ASB15: variants seen among roughly 807,000 people sequenced by gnomAD.
ASB15 encodes ankyrin repeat and SOCS box protein 15.
Under a neutral mutation model 58.0 loss-of-function variants are expected in ASB15, and 54 were observed. The ratio of observed to expected loss-of-function variants is 0.93; its 90% CI spans 0.75 to 1.17. ASB15 has a LOEUF of 1.17. Ranked by LOEUF, ASB15 falls within the 50% of genes most tolerant of loss-of-function variation. ASB15 has a pLI of 0.00. For synonymous variants in ASB15, 249 were observed against 262.4 expected, an observed-to-expected ratio of 0.95 and a Z score of 0.50; for missense variants, 680 against 707.4, an observed-to-expected ratio of 0.96 and a Z score of 0.44.
intron 1 of ASB15, among the ~76,000 whole-genome samples, chr7:123,580,007 A>G (rs1208744799): frequency 2.0e-5 from 3 of 152,084 alleles, no homozygotes; most frequent in African/African-American, 7.2e-5. Context: ...GTACATAAAT[A>G]ATTACTATGT....
chr7:123,617,169 A>G (rs1219614053), intron 6 of ASB15, among the ~76,000 whole-genome samples: 2 of 152,196 alleles, frequency 1.3e-5, no homozygotes, highest in Non-Finnish European at 2.9e-5. Flanking sequence ...ACAGATATAG[A>G]TGATGTTAAG....
intron 4 of ASB15, among the ~76,000 whole-genome samples, chr7:123,615,937 A>G (rs943911831): frequency 1.3e-5 from 2 of 152,070 alleles, no homozygotes; most frequent in Non-Finnish European, 2.9e-5. Context: ...ATCTGACTCC[A>G]ATTGTTTACT....
At chr7:123,605,703 T>C (rs1313495867) in intron 2 of ASB15, among the ~76,000 whole-genome samples, 1 of 152,142 alleles carries the variant, frequency 6.6e-6, no homozygotes, top group East Asian at 1.9e-4. Context: ...GCAACATGGA[T>C]GGAGCTGTAG....
At position 123,627,270 on chromosome 7, in the gene ASB15, G is replaced by C. The variant is rs768834534; in HGVS notation, c.858G>C (p.Glu286Asp). 2 of 1,612,652 alleles carry C rather than the reference G, an allele frequency of 1.2e-6. No homozygotes were observed. The highest frequency in any genetic ancestry group is 1.7e-6 in the Non-Finnish European group (2 of 1,178,834). The change falls in exon 9 of 12, where the codon GAG becomes GAC. Residue 286 changes from glutamate (E) to aspartate (D), a missense_variant. Glu to Asp is a conservative substitution (Grantham distance 45). Coordinates refer to ENST00000451215, the MANE Select transcript of ASB15 (RefSeq NM_001290258.2). Reference sequence around the variant, plus strand: ...TTCCTATACACCGAGCTGCCTATGAGGGGCATTATCTGTGAGTGATAAATT... The same window carrying C: ...TTCCTATACACCGAGCTGCCTATGACGGGCATTATCTGTGAGTGATAAATT... ...GHLPIHRAAY[E>D]GHYLALKYLI... is the part of the protein sequence containing the mutation.
At chr7:123,608,493 ATT>A (rs1800261344) in intron 2 of ASB15, 99 bp from the exon 3 acceptor site, 1 of 152,070 alleles carries the variant, frequency 6.6e-6, no homozygotes, top group African/African-American at 2.4e-5. Context: ...TTGGACTAAG[ATT>A]GTTTGTGTGT....
upstream of ASB15, among the ~76,000 whole-genome samples, chr7:123,599,259 CA>C (rs200940515): frequency 0.073 from 11,072 of 151,756 alleles, 457 homozygotes; most frequent in African/African-American, 0.097. Context: ...AAAAGAATAC[CA>C]AAAAAACACA....
At chr7:123,617,420 T>G (rs930285093) in intron 6 of ASB15, among the ~76,000 whole-genome samples, 159 bp from the exon 7 acceptor site, 17 of 152,374 alleles carry the variant, frequency 1.1e-4, no homozygotes, top group Non-Finnish European at 1.9e-4. Flanking sequence ...GCATCTACTT[T>G]ATCCTCACCG....
At chr7:123,631,647 C>T (rs1164462446) in intron 11 of ASB15, among the ~76,000 whole-genome samples, 1 of 151,962 alleles carries the variant, frequency 6.6e-6, no homozygotes, top group East Asian at 1.9e-4. Context: ...GCAAACAGAG[C>T]CAGGAAACCT....
chr7:123,598,280 T>C (rs769842129), upstream of ASB15, among the ~76,000 whole-genome samples: 3 of 152,196 alleles, frequency 2.0e-5, no homozygotes, highest in Non-Finnish European at 4.4e-5. Context: ...TATGCCCTTA[T>C]TTTGATAACA....
intron 2 of ASB15, among the ~76,000 whole-genome samples, chr7:123,606,571 T>G (rs1376078367): frequency 6.6e-6 from 1 of 152,208 alleles, no homozygotes; most frequent in Non-Finnish European, 1.5e-5. Flanking sequence ...GTACATTAGA[T>G]TTCCAGAATT....
chr7:123,572,597 T>C (rs1738866787), intron 1 of ASB15, among the ~76,000 whole-genome samples: 1 of 152,088 alleles, frequency 6.6e-6, no homozygotes. Context: ...ATAATTTTTC[T>C]TTCCTTTCCT....
At chr7:123,600,040 A>C (rs1286354293), upstream of ASB15, among the ~76,000 whole-genome samples, 3 of 152,194 alleles carry the variant, frequency 2.0e-5, no homozygotes, top group Non-Finnish European at 4.4e-5. Flanking sequence ...TATATGAGTT[A>C]CTCAAAGTAT....
intron 10 of ASB15, among the ~76,000 whole-genome samples, 173 bp from the exon 11 acceptor site, chr7:123,629,793 G>A (rs967084570): frequency 2.0e-5 from 3 of 152,050 alleles, no homozygotes; most frequent in East Asian, 1.9e-4. Flanking sequence ...GAGTCTTCAG[G>A]GCTGATGGTT....
chr7:123,602,357 T>A (rs113242043), intron 1 of ASB15, among the ~76,000 whole-genome samples: 127 of 152,274 alleles, frequency 8.3e-4, no homozygotes, highest in African/African-American at 2.8e-3. Context: ...TTGAAACATT[T>A]CTTTAAATTA....
chr7:123,599,298 C>T (rs549070281), upstream of ASB15, among the ~76,000 whole-genome samples: 2 of 152,244 alleles, frequency 1.3e-5, no homozygotes, highest in East Asian at 3.9e-4. Flanking sequence ...AATAGGATAA[C>T]TTAAAGTAGG....
At chr7:123,601,080 C>T (rs1799860265), upstream of ASB15, among the ~76,000 whole-genome samples, 2 of 152,066 alleles carry the variant, frequency 1.3e-5, no homozygotes, top group African/African-American at 2.4e-5. Flanking sequence ...GGGATAGAGG[C>T]CAGATGGCTT....
intron 7 of ASB15, 74 bp from the exon 8 acceptor site, chr7:123,624,495 T>C (rs2116614957): frequency 7.3e-7 from 1 of 1,375,170 alleles, no homozygotes; most frequent in East Asian, 2.3e-5. Flanking sequence ...ATATTAAATT[T>C]AGTAATTAGT....
rs1459949582 is a variant in ASB15, at chr7:123,637,877, C to CAAAAAAAAAAAAAAAA, written c.*896_*897insAAAAAAAAAAAAAAAA. 1 of 19,122 alleles carries CAAAAAAAAAAAAAAAA rather than the reference C, an allele frequency of 5.2e-5. No individual in the cohort carries two copies. Among genetic ancestry groups the CAAAAAAAAAAAAAAAA allele is most frequent in the South Asian group, 2.9e-3 (1 of 340 alleles). 1.2% of individuals were successfully genotyped at this position (19,122 alleles called of 1,614,324 possible). On this transcript the variant is annotated 3_prime_UTR_variant, in exon 12 of 12. Transcript: ENST00000451215. ...CAAATTCAACATGTCCCCAGATGAA[C>CAAAAAAAAAAAAAAAA]TAAAAAAAAAAAAAAAAAAAAAACC...
intron 11 of ASB15, among the ~76,000 whole-genome samples, chr7:123,634,743 T>A (rs1299326817): frequency 1.3e-5 from 2 of 152,196 alleles, no homozygotes; most frequent in African/African-American, 4.8e-5. Flanking sequence ...CTAAATAATT[T>A]AAAAAGATAT....
Sources: allele counts gnomAD v4.1 joint callset (sites outside exome capture counted in the v4.1 genomes callset), GRCh38; gene constraint gnomAD v4.1.1; transcripts MANE v1.5; gene names NCBI Gene and HGNC (gene_info 2026-07-23, HGNC 2026-07-21).